KCMF1: variants seen among roughly 807,000 people sequenced by gnomAD.
KCMF1 encodes potassium channel modulatory factor 1, also known as E3 ubiquitin-protein ligase KCMF1.
In KCMF1, 3 loss-of-function variants were observed where a neutral mutation model predicts 41.1. The observed-to-expected ratio is 0.07, with a 90% confidence interval of 0.03 to 0.19. The LOEUF (loss-of-function observed/expected upper bound fraction) is 0.19. Ranked by LOEUF, KCMF1 falls within the 10% of genes least tolerant of loss-of-function variation. KCMF1 has a pLI of 1.00. For synonymous variants in KCMF1, 142 were observed against 164.5 expected (o/e 0.86, Z 1.04); for missense variants, 286 against 488.9 (o/e 0.58, Z 3.91).
intron 3 of KCMF1, among the ~76,000 whole-genome samples, chr2:85,036,405 G>A (rs528245916): frequency 7.2e-5 from 11 of 152,264 alleles, no homozygotes; most frequent in African/African-American, 2.6e-4. Flanking sequence ...AAAACTTGCA[G>A]TCATTTTTCT....
At position 85,056,671 on chromosome 2, in the gene KCMF1, A is replaced by G. The variant is rs988463101; in HGVS notation, c.*3262A>G. The G allele has an allele frequency of 2.0e-5, 3 of 152,190 alleles. No homozygotes were observed. The highest frequency in any genetic ancestry group is 7.2e-5 in the African/African-American group (3 of 41,432). 9.4% of individuals were successfully genotyped at this position (152,190 alleles called of 1,614,324 possible). On this transcript the variant is annotated 3_prime_UTR_variant, in exon 7 of 7. Transcript: ENST00000409785. The stretch of plus-strand genomic sequence containing the variant: ...TGGGATTCCTGTAACAGTGTTCAGT[A>G]CCAATATTAAGTCTACTGTAAGTGG...
chr2:84,993,901 T>TG (rs1455654542), intron 1 of KCMF1, among the ~76,000 whole-genome samples: 4 of 127,214 alleles, frequency 3.1e-5, no homozygotes, highest in African/African-American at 8.8e-5. Context: ...AGTTTGAACA[T>TG]TTTTTGTTTT....
chr2:85,008,321 C>CATACATAATATATAATATGATATATA (rs1674542189), intron 1 of KCMF1, among the ~76,000 whole-genome samples: 1 of 43,950 alleles, frequency 2.3e-5, no homozygotes. Flanking sequence ...ATATATATAT[C>CATACATAATATATAATATGATATATA]ATATATAATA....
chr2:85,046,357 C>T (rs554435568), intron 5 of KCMF1, 79 bp downstream of exon 5: 30 of 1,101,430 alleles, frequency 2.7e-5, no homozygotes, highest in African/African-American at 1.9e-4. Context: ...ATGCCAGGTG[C>T]GGTGGCTCAC....
At chr2:84,986,150 G>A (rs1673894875) in intron 1 of KCMF1, among the ~76,000 whole-genome samples, 1 of 152,150 alleles carries the variant, frequency 6.6e-6, no homozygotes, top group Admixed American at 6.6e-5. Context: ...GTCCTTATGT[G>A]CAAGGTATTA....
At chr2:85,022,879 A>G (rs1674978261) in intron 1 of KCMF1, among the ~76,000 whole-genome samples, 1 of 137,246 alleles carries the variant, frequency 7.3e-6, no homozygotes, top group South Asian at 2.3e-4. Flanking sequence ...TTTATACTGT[A>G]TGTATTCTTT....
At chr2:85,004,773 T>C (rs1674425118) in intron 1 of KCMF1, among the ~76,000 whole-genome samples, 1 of 152,158 alleles carries the variant, frequency 6.6e-6, no homozygotes, top group African/African-American at 2.4e-5. Flanking sequence ...TGAGTCTTGC[T>C]TGAACTAGGC....
intron 1 of KCMF1, among the ~76,000 whole-genome samples, chr2:85,004,748 A>G (rs555676938): frequency 2.6e-5 from 4 of 152,268 alleles, no homozygotes; most frequent in South Asian, 4.1e-4. Flanking sequence ...TCAGTCTTCT[A>G]TCTTGAGATT....
chr2:85,023,044 C>G (rs1005561556), intron 1 of KCMF1, among the ~76,000 whole-genome samples: 1 of 151,850 alleles, frequency 6.6e-6, no homozygotes, highest in Non-Finnish European at 1.5e-5. Context: ...GCCGCCATCA[C>G]GCCTGGCTAA....
chr2:84,991,602 G>A (rs1574010257), intron 1 of KCMF1, among the ~76,000 whole-genome samples: 2 of 152,200 alleles, frequency 1.3e-5, no homozygotes, highest in African/African-American at 4.8e-5. Context: ...GCTACAGTGA[G>A]ACAGGTCCAG....
At chr2:85,003,722 C>A (rs933945711) in intron 1 of KCMF1, among the ~76,000 whole-genome samples, 1 of 152,068 alleles carries the variant, frequency 6.6e-6, no homozygotes, top group African/African-American at 2.4e-5. Context: ...CAGGCGTGAG[C>A]TACCACACCT....
chr2:85,016,150 A>G (rs907323091), intron 1 of KCMF1, among the ~76,000 whole-genome samples: 9 of 152,210 alleles, frequency 5.9e-5, no homozygotes, highest in African/African-American at 1.9e-4. Flanking sequence ...TGCAAAACCT[A>G]CTTACTAAGC....
At position 85,053,214 on chromosome 2, in the gene KCMF1, C is replaced by T. The variant is rs1675848996; in HGVS notation, c.951C>T (p.Ser317=). 3.7e-6 allele frequency: 6 copies of T among 1,613,918 alleles called. No homozygotes were observed. Among genetic ancestry groups the T allele is most frequent in the East Asian group, 2.2e-5 (1 of 44,876 alleles). Residue 317 remains serine, a synonymous_variant, in exon 7 of 7, where the codon AGC becomes AGT. Transcript: ENST00000409785. The stretch of plus-strand genomic sequence containing the variant: ...TGGAAAGCGAGCGTGCAGACCGCAG[C>T]CTGTTTGTCCAAGAGCTCCTTCTGT... ...QSMESERADR[S]LFVQELLLST...
intron 1 of KCMF1, among the ~76,000 whole-genome samples, chr2:84,985,067 G>C (rs1462200602): frequency 6.6e-6 from 1 of 151,900 alleles, no homozygotes; most frequent in Non-Finnish European, 1.5e-5. Context: ...AGTTAAATGA[G>C]AGAGATTTAA....
chr2:85,015,153 C>CAAA (rs34773304), intron 1 of KCMF1, among the ~76,000 whole-genome samples: 4 of 48,970 alleles, frequency 8.2e-5, no homozygotes, highest in Non-Finnish European at 1.3e-4. Context: ...GACTCCATCT[C>CAAA]AAAAAAAAAA....
chr2:85,042,088 ACTT>A (rs1675554222), intron 3 of KCMF1, among the ~76,000 whole-genome samples: 2 of 152,056 alleles, frequency 1.3e-5, no homozygotes, highest in Non-Finnish European at 2.9e-5. Flanking sequence ...AGGTCTATCT[ACTT>A]CTTTTTCTCT....
In KCMF1 at chr2:85,053,740, A is replaced by G; in HGVS notation, c.*331A>G. 1 of 195,438 alleles carries G rather than the reference A, an allele frequency of 5.1e-6. No individual in the cohort carries two copies. The highest frequency in any genetic ancestry group is 1.0e-5 in the Non-Finnish European group (1 of 95,788). 12.1% of individuals were successfully genotyped at this position (195,438 alleles called of 1,614,324 possible). A position where few individuals can be genotyped will look rare whatever the true frequency, so the allele number is the denominator to read the frequency against. ...CTGCTGTGTGTATTTATGAATATTAATGAATAAAAACTGCTTGGATGGTTT... is the reference window on the plus strand; with the variant it reads ...CTGCTGTGTGTATTTATGAATATTAGTGAATAAAAACTGCTTGGATGGTTT... On this transcript the variant is annotated 3_prime_UTR_variant, in exon 7 of 7. Coordinates refer to ENST00000409785, the MANE Select transcript of KCMF1 (RefSeq NM_020122.5).
intron 1 of KCMF1, among the ~76,000 whole-genome samples, chr2:84,979,961 T>C (rs1574003092): frequency 6.6e-6 from 1 of 151,988 alleles, no homozygotes; most frequent in African/African-American, 2.4e-5. Flanking sequence ...TAGCTGGGAT[T>C]ACAGGCATGC....
intron 1 of KCMF1, among the ~76,000 whole-genome samples, chr2:84,985,209 C>T (rs571639585): frequency 1.3e-5 from 2 of 152,074 alleles, no homozygotes; most frequent in East Asian, 3.9e-4. Flanking sequence ...GTGAAGTTGG[C>T]GTAGTTCGAG....
Sources: gnomAD v4.1 joint callset for allele counts (sites outside exome capture counted in the v4.1 genomes callset) on GRCh38, gnomAD v4.1.1 for gene constraint, MANE v1.5 for transcripts, NCBI Gene and HGNC (gene_info 2026-07-23, HGNC 2026-07-21) for gene names.